The following CNTNAP4 variants were observed in gnomAD, a reference collection of about 807,000 sequenced individuals.
The protein encoded by CNTNAP4 is contactin associated protein family member 4, also known as contactin-associated protein-like 4.
CNTNAP4 carries 98 observed loss-of-function variants against 148.4 expected under a neutral mutation model. The observed-to-expected ratio is 0.66, with a 90% CI of 0.56 to 0.78. CNTNAP4 has a LOEUF of 0.78. CNTNAP4 is among the 30% of genes least tolerant of loss of function. The pLI is 0.00. For missense variants in CNTNAP4, 1,935 were observed against 1,565.6 expected, an observed-to-expected ratio of 1.24 and a Z score of -3.98; for synonymous variants, 730 against 565.1, an observed-to-expected ratio of 1.29 and a Z score of -4.14.
chr16:76,489,608 T>C, intron 12 of CNTNAP4, 78 bp from the exon 13 acceptor site: 1 of 782,272 alleles, frequency 1.3e-6, no homozygotes, highest in African/African-American at 1.8e-5. Context: ...AAAGGTGATT[T>C]TGATTTTCTT....
intron 3 of CNTNAP4, among the ~76,000 whole-genome samples, chr16:76,366,028 T>C (rs1436971767): frequency 6.6e-6 from 1 of 152,182 alleles, no homozygotes; most frequent in Non-Finnish European, 1.5e-5. Flanking sequence ...GATCCTGATA[T>C]GCTTTTTTGT....
chr16:76,346,196 C>G (rs1439625198), intron 2 of CNTNAP4, among the ~76,000 whole-genome samples: 1 of 152,110 alleles, frequency 6.6e-6, no homozygotes, highest in Non-Finnish European at 1.5e-5. Context: ...CGAATGTGTT[C>G]TAGCATTTTA....
At chr16:76,284,621 A>G (rs573758659) in intron 1 of CNTNAP4, among the ~76,000 whole-genome samples, 1 of 152,134 alleles carries the variant, frequency 6.6e-6, no homozygotes, top group African/African-American at 2.4e-5. Context: ...GTATCTCTAA[A>G]TAACAAAAAT....
chr16:76,331,377 G>A (rs1336464599), intron 2 of CNTNAP4, among the ~76,000 whole-genome samples: 1 of 151,618 alleles, frequency 6.6e-6, no homozygotes, highest in Non-Finnish European at 1.5e-5. Context: ...TTTAGTAGAG[G>A]CAGGGTTTCA....
intron 8 of CNTNAP4, among the ~76,000 whole-genome samples, chr16:76,460,622 G>A (rs1219563166): frequency 4.1e-5 from 6 of 147,930 alleles, no homozygotes; most frequent in African/African-American, 1.5e-4. Flanking sequence ...AATTAGCCAG[G>A]CGTGGTGGCA....
At chr16:76,399,067 G>A (rs2078312112) in intron 3 of CNTNAP4, among the ~76,000 whole-genome samples, 1 of 152,082 alleles carries the variant, frequency 6.6e-6, no homozygotes, top group East Asian at 1.9e-4. Flanking sequence ...TCTCTTGCCT[G>A]CCACCATGTA....
chr16:76,455,113 A>C (rs1018509410), intron 8 of CNTNAP4, among the ~76,000 whole-genome samples: 1 of 152,218 alleles, frequency 6.6e-6, no homozygotes, highest in Admixed American at 6.5e-5. Flanking sequence ...AGTATAAATC[A>C]TGAAACATAT....
At chr16:76,300,603 T>C (rs1275971849) in intron 1 of CNTNAP4, among the ~76,000 whole-genome samples, 1 of 152,192 alleles carries the variant, frequency 6.6e-6, no homozygotes, top group African/African-American at 2.4e-5. Context: ...GAGACCAATG[T>C]CATCAGCAAG....
intron 1 of CNTNAP4, among the ~76,000 whole-genome samples, chr16:76,293,196 C>G (rs571686910): frequency 6.6e-6 from 1 of 151,926 alleles, no homozygotes; most frequent in East Asian, 1.9e-4. Context: ...GCAATCTCGG[C>G]TAACTGCAAC....
chr16:76,540,142 C>T (rs117917672), intron 20 of CNTNAP4, among the ~76,000 whole-genome samples: 4 of 152,108 alleles, frequency 2.6e-5, no homozygotes, highest in East Asian at 1.9e-4. Flanking sequence ...CTAATGAAAC[C>T]GGTTTACTTT....
At chr16:76,552,023 C>T (rs1321267090) in intron 21 of CNTNAP4, among the ~76,000 whole-genome samples, 1 of 152,194 alleles carries the variant, frequency 6.6e-6, no homozygotes, top group African/African-American at 2.4e-5. Context: ...CACAGTTCCA[C>T]ATGGCTGGGA....
intron 12 of CNTNAP4, among the ~76,000 whole-genome samples, chr16:76,482,486 C>T (rs1468540378): frequency 7.0e-6 from 1 of 143,594 alleles, no homozygotes; most frequent in Non-Finnish European, 1.5e-5. Context: ...AAACAAGATT[C>T]TGAGGAGGCA....
intron 1 of CNTNAP4, among the ~76,000 whole-genome samples, chr16:76,315,214 A>G (rs1961583376): frequency 6.6e-6 from 1 of 152,154 alleles, no homozygotes; most frequent in Non-Finnish European, 1.5e-5. Flanking sequence ...GCTAGAAATC[A>G]TACATGTCTC....
At chr16:76,475,319 G>A (rs2081530240) in intron 10 of CNTNAP4, among the ~76,000 whole-genome samples, 1 of 152,202 alleles carries the variant, frequency 6.6e-6, no homozygotes, top group African/African-American at 2.4e-5. Context: ...ATGATCTAAT[G>A]TTGAAACTAA....
intron 8 of CNTNAP4, among the ~76,000 whole-genome samples, chr16:76,457,443 C>T (rs972589811): frequency 6.6e-6 from 1 of 152,204 alleles, no homozygotes; most frequent in Non-Finnish European, 1.5e-5. Flanking sequence ...CAACCTGTAA[C>T]CTGCTAGCTT....
chr16:76,437,898 T>G (rs2145123432), intron 4 of CNTNAP4, among the ~76,000 whole-genome samples: 1 of 152,248 alleles, frequency 6.6e-6, no homozygotes, highest in Non-Finnish European at 1.5e-5. Flanking sequence ...AGTCATGGCG[T>G]TGTAGCTTTT....
chr16:76,306,547 T>G (rs1005521618), intron 1 of CNTNAP4, among the ~76,000 whole-genome samples: 8 of 152,206 alleles, frequency 5.3e-5, no homozygotes, highest in African/African-American at 1.9e-4. Flanking sequence ...AAAATCTAAC[T>G]GGTGCTCAAG....
intron 11 of CNTNAP4, 65 bp downstream of exon 11, chr16:76,476,110 A>G (rs2081567384): frequency 1.9e-5 from 21 of 1,093,830 alleles, no homozygotes; most frequent in Non-Finnish European, 2.9e-5. Context: ...TTCCCTTTTC[A>G]TTGCTGTGTG....
chr16:76,495,205 G>T, intron 14 of CNTNAP4, 139 bp downstream of exon 14: 3 of 817,772 alleles, frequency 3.7e-6, no homozygotes, highest in Non-Finnish European at 5.8e-6. Context: ...AATGAAACGT[G>T]GTGTAGTCAA....
Sources: gnomAD v4.1 joint callset for allele counts (sites outside exome capture counted in the v4.1 genomes callset) on GRCh38, gnomAD v4.1.1 for gene constraint, MANE v1.5 for transcripts, NCBI Gene and HGNC (gene_info 2026-07-23, HGNC 2026-07-21) for gene names.